ZNF804B: variants seen among roughly 807,000 people sequenced by gnomAD.
ZNF804B encodes the protein zinc finger 804B.
A neutral mutation model predicts 101.4 loss-of-function variants in ZNF804B; 80 were observed. The observed-to-expected ratio is 0.79, with a 90% CI of 0.66 to 0.95. The LOEUF (loss-of-function observed/expected upper bound fraction) is 0.95, where lower values mean the gene tolerates loss of function less well. ZNF804B is among the 40% of genes least tolerant of loss of function. The probability of loss-of-function intolerance (pLI) is 0.00; values close to 1 mark genes in which losing one functional copy is unlikely to be tolerated. For missense variants in ZNF804B, 1,673 were observed against 1,561.9 expected (o/e 1.07, Z -1.20); for synonymous variants, 622 against 558.8 (o/e 1.11, Z -1.59).
chr7:89,029,106 T>C (rs2116228170), intron 1 of ZNF804B, among the ~76,000 whole-genome samples: 1 of 152,160 alleles, frequency 6.6e-6, no homozygotes, highest in South Asian at 2.1e-4. Context: ...AAAGCTAATA[T>C]TTGTTTGTTT....
At chr7:88,895,269 A>C (rs184440969) in intron 1 of ZNF804B, among the ~76,000 whole-genome samples, 1 of 152,348 alleles carries the variant, frequency 6.6e-6, no homozygotes, top group East Asian at 1.9e-4. Context: ...GGAACAAATA[A>C]GTAAATGGGT....
intron 1 of ZNF804B, among the ~76,000 whole-genome samples, chr7:89,188,562 A>G (rs1054562014): frequency 2.0e-5 from 3 of 152,186 alleles, no homozygotes; most frequent in African/African-American, 7.2e-5. Context: ...GATATGCTGA[A>G]AGCGTGGCCA....
At chr7:88,794,864 G>C (rs769670567) in intron 1 of ZNF804B, 1 of 1,612,812 alleles carries the variant, frequency 6.2e-7, no homozygotes, top group African/African-American at 1.3e-5. Flanking sequence ...TAATTGCTAC[G>C]TGGGACTTGG....
intron 1 of ZNF804B, among the ~76,000 whole-genome samples, chr7:89,062,041 C>G (rs538182059): frequency 1.7e-4 from 26 of 152,130 alleles, no homozygotes; most frequent in African/African-American, 6.3e-4. Context: ...TGCTAGTGCT[C>G]GAGGCAGACT....
chr7:88,836,332 G>T (rs1289915559), intron 1 of ZNF804B, among the ~76,000 whole-genome samples: 1 of 151,848 alleles, frequency 6.6e-6, no homozygotes, highest in Non-Finnish European at 1.5e-5. Flanking sequence ...CAAGAATAAT[G>T]AGGTAGCATT....
intron 2 of ZNF804B, among the ~76,000 whole-genome samples, chr7:89,326,936 T>C (rs145544407): frequency 1.4e-5 from 2 of 147,822 alleles, no homozygotes; most frequent in African/African-American, 5.3e-5. Flanking sequence ...TTCCACCCAG[T>C]GTATTTAATA....
chr7:89,113,678 C>G (rs933276101), intron 1 of ZNF804B, among the ~76,000 whole-genome samples: 5 of 152,054 alleles, frequency 3.3e-5, no homozygotes, highest in African/African-American at 1.2e-4. Flanking sequence ...ACAGGCCAGG[C>G]GCTGTGGCTC....
At chr7:88,861,206 T>C (rs1168769780) in intron 1 of ZNF804B, among the ~76,000 whole-genome samples, 2 of 152,234 alleles carry the variant, frequency 1.3e-5, no homozygotes, top group East Asian at 1.9e-4. Flanking sequence ...AGAAGTATTG[T>C]AATTTTTTAA....
At chr7:88,766,848 A>G (rs925131421) in intron 1 of ZNF804B, among the ~76,000 whole-genome samples, 3 of 152,248 alleles carry the variant, frequency 2.0e-5, no homozygotes, top group Non-Finnish European at 4.4e-5. Flanking sequence ...AATGATTCAT[A>G]GAGATTATTC....
intron 1 of ZNF804B, among the ~76,000 whole-genome samples, chr7:88,976,860 T>C (rs1056257626): frequency 2.0e-5 from 3 of 151,838 alleles, no homozygotes; most frequent in Non-Finnish European, 4.4e-5. Flanking sequence ...ACTATGATAC[T>C]ACCAGTGGGT....
Position 89,049,091 on chromosome 7 carries a change from A to G in ZNF804B, c.109-169064A>G, listed in dbSNP as rs144317095. Among the ~76,000 whole-genome samples the G allele has an allele frequency of 6.4e-4, 98 of 152,216 alleles. 2 individuals carry two copies. The highest frequency in any genetic ancestry group is 2.3e-3 in the African/African-American group (95 of 41,488). On this transcript the variant is annotated intron_variant, in intron 1 of 3. Transcript: ENST00000333190. ...GTATTGTACAAAGTCGCTATTGTCTATCATTAACATATCATTAACAATCAT... is the reference window on the plus strand; with the variant it reads ...GTATTGTACAAAGTCGCTATTGTCTGTCATTAACATATCATTAACAATCAT...
chr7:89,039,482 A>G (rs1336666466), intron 1 of ZNF804B, among the ~76,000 whole-genome samples: 1 of 151,952 alleles, frequency 6.6e-6, no homozygotes, highest in Non-Finnish European at 1.5e-5. Context: ...AATTGTTTTC[A>G]TAATTTTTTT....
At chr7:88,952,142 A>G (rs899729519) in intron 1 of ZNF804B, among the ~76,000 whole-genome samples, 1 of 151,766 alleles carries the variant, frequency 6.6e-6, no homozygotes, top group African/African-American at 2.4e-5. Context: ...TCTCAGATTG[A>G]TGGGTCTCGT....
chr7:88,997,882 A>G (rs1416783904), intron 1 of ZNF804B, among the ~76,000 whole-genome samples: 1 of 152,078 alleles, frequency 6.6e-6, no homozygotes, highest in Non-Finnish European at 1.5e-5. Context: ...TCAAATATTT[A>G]TGATCTATCC....
chr7:88,920,509 T>G (rs1792704770), intron 1 of ZNF804B, among the ~76,000 whole-genome samples: 1 of 152,016 alleles, frequency 6.6e-6, no homozygotes, highest in African/African-American at 2.4e-5. Context: ...ACAATCTAAT[T>G]CATTTTCTCT....
At chr7:89,164,192 A>G (rs962278518) in intron 1 of ZNF804B, among the ~76,000 whole-genome samples, 1 of 152,024 alleles carries the variant, frequency 6.6e-6, no homozygotes, top group Non-Finnish European at 1.5e-5. Flanking sequence ...TAGAATTACT[A>G]TATTAAGAAA....
chr7:89,259,932 C>A (rs71557041), intron 2 of ZNF804B, among the ~76,000 whole-genome samples: 18,550 of 151,444 alleles, frequency 0.12, 1,219 homozygotes, highest in Middle Eastern at 0.25. Flanking sequence ...TTGTAGTGAC[C>A]TGAGATCACA....
chr7:89,273,509 A>G (rs5011694), intron 2 of ZNF804B, among the ~76,000 whole-genome samples: 18,903 of 152,136 alleles, frequency 0.12, 1,270 homozygotes, highest in Middle Eastern at 0.26. Context: ...TTATTCAGTT[A>G]TAGCCAACTT....
intron 1 of ZNF804B, among the ~76,000 whole-genome samples, chr7:88,780,144 A>T (rs1790201644): frequency 6.6e-6 from 1 of 152,218 alleles, no homozygotes; most frequent in African/African-American, 2.4e-5. Context: ...TCCAGTTAAA[A>T]TGGCTTATAT....
Sources: allele counts gnomAD v4.1 joint callset (sites outside exome capture counted in the v4.1 genomes callset), GRCh38; gene constraint gnomAD v4.1.1; transcripts MANE v1.5; gene names NCBI Gene and HGNC (gene_info 2026-07-23, HGNC 2026-07-21).